Variants in DMXL2 observed in about 807,000 individuals in gnomAD.
The protein encoded by DMXL2 is dmX-like protein 2.
DMXL2 carries 103 observed loss-of-function variants against 331.1 expected under a neutral mutation model. The observed-to-expected ratio is 0.31, with a 90% CI of 0.27 to 0.37. DMXL2 has a LOEUF of 0.37. Ranked by LOEUF, DMXL2 falls within the 10% of genes least tolerant of loss-of-function variation. The pLI is 1.00. For missense variants in DMXL2, 3,171 were observed against 3,642.9 expected (o/e 0.87, Z 3.33); for synonymous variants, 1,281 against 1,252.1 (o/e 1.02, Z -0.49).
chr15:51,453,698 G>A (rs1595873611), intron 40 of DMXL2, 57 bp from the exon 41 acceptor site: 4 of 1,390,684 alleles, frequency 2.9e-6, no homozygotes, highest in African/African-American at 1.4e-5. Context: ...ATTTGATACA[G>A]TACCAACATA....
chr15:51,511,932 A>C (rs541771757), intron 15 of DMXL2, among the ~76,000 whole-genome samples: 1 of 152,260 alleles, frequency 6.6e-6, no homozygotes, highest in African/African-American at 2.4e-5. Context: ...CAGCAAACTA[A>C]CACAGGAACA....
chr15:51,595,207 G>A (rs796177805), intron 1 of DMXL2, among the ~76,000 whole-genome samples: 19 of 152,152 alleles, frequency 1.2e-4, no homozygotes, highest in African/African-American at 4.6e-4. Context: ...TAAGCTGATA[G>A]GCAACTTCAG....
chr15:51,470,714 T>G (rs1026273751), intron 29 of DMXL2, among the ~76,000 whole-genome samples: 1 of 152,168 alleles, frequency 6.6e-6, no homozygotes, highest in African/African-American at 2.4e-5. Context: ...AACATTAGCA[T>G]GCACCCAGCA....
chr15:51,536,371 C>G lies in DMXL2; in HGVS notation c.2109G>C (p.Ser703=). 1 of 1,613,442 alleles carries G rather than the reference C, an allele frequency of 6.2e-7. No homozygotes were observed. Residue 703 remains serine, a synonymous_variant, in exon 12 of 44, where the codon TCG becomes TCC. Transcript: ENST00000560891. ...MDPVKHIKGS[S]KQPLRNAATR... is the part of the protein sequence containing the mutation. ...TTGCTGCATTTCTAAGAGGTTGTTTCGAGGAACCTTTTATATGTTTTACAG... is the reference window on the plus strand; with the variant it reads ...TTGCTGCATTTCTAAGAGGTTGTTTGGAGGAACCTTTTATATGTTTTACAG...
chr15:51,612,628 T>C (rs532159698), intron 1 of DMXL2, among the ~76,000 whole-genome samples: 5 of 152,196 alleles, frequency 3.3e-5, no homozygotes, highest in Non-Finnish European at 7.3e-5. Context: ...AGAGATCATA[T>C]GCTTCACAAG....
intron 19 of DMXL2, among the ~76,000 whole-genome samples, chr15:51,492,501 T>G (rs1231071167): frequency 2.0e-5 from 3 of 152,166 alleles, no homozygotes; most frequent in Non-Finnish European, 2.9e-5. Context: ...TTGTTTGTTT[T>G]TTTTTACCTG....
rs1468418997 is a variant in DMXL2, at chr15:51,458,564, G to C, written c.8140C>G (p.Leu2714Val). Residue 2714 changes from leucine to valine, a missense_variant, in exon 36 of 44, where the codon CTA becomes GTA. Coordinates refer to ENST00000560891, the MANE Select transcript of DMXL2 (RefSeq NM_001378457.1). ...CATATGTATGACTGACAGGCCAGTA[G>C]AGAAGTAACATCAAGTTCTTGAACA... is the stretch of plus-strand genomic sequence containing the variant. ...HDVQELDVTS[L>V]LACQSYIWIG... 1 of 1,613,792 alleles carries C rather than the reference G, an allele frequency of 6.2e-7. No homozygotes were observed. The highest frequency in any genetic ancestry group is 8.5e-7 in the Non-Finnish European group (1 of 1,179,848).
rs113890461 is a variant in DMXL2, at chr15:51,536,558, G to C, written c.1922C>G (p.Ser641Cys). The change falls in exon 12 of 44, where the codon TCT becomes TGT. Residue 641 changes from serine to cysteine, a missense_variant. Transcript: ENST00000560891. ...KSAFTTVLTV[S>C]HKFRYCGHRF... ...ATGACCGCAATATCTAAATTTGTGA[G>C]ATACAGTTAGAACAGTGGTAAAGGC... The C allele has an allele frequency of 7.7e-5, 125 of 1,613,788 alleles. No homozygotes were observed. Among genetic ancestry groups the C allele is most frequent in the Non-Finnish European group, 9.9e-5 (117 of 1,179,942 alleles).
intron 6 of DMXL2, among the ~76,000 whole-genome samples, chr15:51,552,892 C>T (rs1471581201): frequency 2.0e-5 from 3 of 152,198 alleles, no homozygotes; most frequent in Non-Finnish European, 4.4e-5. Context: ...TTGGTCTAAC[C>T]ACTACACTCC....
chr15:51,622,606 CCT>C lies in DMXL2; in HGVS notation c.-63_-62del. On this transcript the variant is annotated 5_prime_UTR_variant, in exon 1 of 44. Transcript: ENST00000560891. The stretch of plus-strand genomic sequence containing the variant: ...TGCGACAAGCTCCGCGCCTGACCCT[CCT>C]CGGGCTGCGAGAGCCGTTTCCCTCT... 6.6e-7 allele frequency: 1 copy of C among 1,505,690 alleles called. No homozygotes were observed. The highest frequency in any genetic ancestry group is 1.4e-5 in the African/African-American group (1 of 71,150). The allele number at this position is 1,505,690 out of a possible 1,614,324, so 93.3% of individuals were successfully genotyped here.
At chr15:51,522,516 C>T (rs1307520479) in intron 13 of DMXL2, among the ~76,000 whole-genome samples, 9 of 152,094 alleles carry the variant, frequency 5.9e-5, no homozygotes, top group African/African-American at 1.2e-4. Context: ...TGGTGGCAGA[C>T]GCCTGTAGTC....
intron 1 of DMXL2, among the ~76,000 whole-genome samples, 179 bp downstream of exon 1, chr15:51,622,280 C>T (rs1382621215): frequency 2.0e-5 from 3 of 152,200 alleles, no homozygotes; most frequent in Non-Finnish European, 4.4e-5. Context: ...ACACCAGACG[C>T]AGGACCCACG....
At chr15:51,453,490 G>A (rs745761670) in intron 41 of DMXL2, 60 bp downstream of exon 41, 56 of 1,295,104 alleles carry the variant, frequency 4.3e-5, no homozygotes, top group Non-Finnish European at 5.4e-5. Flanking sequence ...AAGTATTCTT[G>A]CTAAAGGTAT....
At chr15:51,484,384 C>A (rs1053099124) in intron 23 of DMXL2, among the ~76,000 whole-genome samples, 1 of 152,200 alleles carries the variant, frequency 6.6e-6, no homozygotes, top group Non-Finnish European at 1.5e-5. Context: ...AGCGAGCCCA[C>A]CTGGCAAAGC....
chr15:51,600,348 C>T (rs1462108597), intron 1 of DMXL2, among the ~76,000 whole-genome samples: 1 of 152,146 alleles, frequency 6.6e-6, no homozygotes, highest in African/African-American at 2.4e-5. Flanking sequence ...CACAGATATG[C>T]CTCAGTGACC....
At chr15:51,509,235 AC>A (rs1347855670) in intron 15 of DMXL2, among the ~76,000 whole-genome samples, 3 of 152,156 alleles carry the variant, frequency 2.0e-5, no homozygotes, top group African/African-American at 7.2e-5. Flanking sequence ...AGACAGAGAT[AC>A]AAAAAACCCT....
chr15:51,481,117 C>T lies in DMXL2; in HGVS notation c.5989G>A (p.Val1997Met). 8 of 1,612,172 alleles carry T rather than the reference C, an allele frequency of 5.0e-6. No individual in the cohort carries two copies. Among genetic ancestry groups the T allele is most frequent in the Non-Finnish European group, 6.8e-6 (8 of 1,178,518 alleles). Residue 1997 changes from valine (V) to methionine (M), a missense_variant, in exon 24 of 44, where the codon GTG becomes ATG. Physicochemically the swap from Val to Met is conservative, Grantham distance 21. Coordinates refer to ENST00000560891, the MANE Select transcript of DMXL2 (RefSeq NM_001378457.1). ...DEEEDDAVGL[V>M]MKSTDAREKD... is the part of the protein sequence containing the mutation. ...TCCCTGGCATCTGTACTTTTCATCA[C>T]TAAACCAACAGCATCGTCTTCCTCT...
At chr15:51,600,145 A>G (rs1162366092) in intron 1 of DMXL2, among the ~76,000 whole-genome samples, 2 of 152,224 alleles carry the variant, frequency 1.3e-5, no homozygotes, top group African/African-American at 2.4e-5. Flanking sequence ...CGTTTCAAGT[A>G]TAAGTCTGAC....
At chr15:51,474,000 T>G (rs142558188) in intron 28 of DMXL2, among the ~76,000 whole-genome samples, 1 of 149,936 alleles carries the variant, frequency 6.7e-6, no homozygotes, top group Non-Finnish European at 1.5e-5. Flanking sequence ...ATCCGTTTTG[T>G]TTTTGCTTTT....
Sources: allele counts gnomAD v4.1 joint callset (sites outside exome capture counted in the v4.1 genomes callset), GRCh38; gene constraint gnomAD v4.1.1; transcripts MANE v1.5; gene names NCBI Gene and HGNC (gene_info 2026-07-23, HGNC 2026-07-21).